Variants in ABCB8 observed in about 807,000 individuals in gnomAD.
ABCB8 encodes the protein mitochondrial potassium channel ATP-binding subunit.
ABCB8 carries 52 observed loss-of-function variants against 73.0 expected under a neutral mutation model. The ratio of observed to expected loss-of-function variants is 0.71; its 90% CI spans 0.57 to 0.90. The LOEUF is 0.90. Among genes scored for constraint, ABCB8 ranks in the 40% least tolerant of loss-of-function variants. The probability of loss-of-function intolerance (pLI) is 0.00; values close to 1 mark genes in which losing one functional copy is unlikely to be tolerated. For missense variants in ABCB8, 909 were observed against 974.6 expected, an observed-to-expected ratio of 0.93 and a Z score of 0.90; for synonymous variants, 428 against 423.5, an observed-to-expected ratio of 1.01 and a Z score of -0.13.
chr7:151,036,013 C>T (rs376146863), intron 7 of ABCB8, 46 bp downstream of exon 7: 53 of 1,612,742 alleles, frequency 3.3e-5, no homozygotes, highest in African/African-American at 5.3e-5. Context: ...GCCCCCCACA[C>T]CCTGCCAACC....
intron 14 of ABCB8, 98 bp from the exon 15 acceptor site, chr7:151,043,873 G>A: frequency 6.5e-7 from 1 of 1,536,268 alleles, no homozygotes; most frequent in African/African-American, 1.4e-5. Context: ...GGGGCACTTA[G>A]AGGATCTTGA....
At position 151,040,816 on chromosome 7, in the gene ABCB8, G is replaced by A. The variant is rs1359317733; in HGVS notation, c.1389-12G>A. 13 of 1,586,994 alleles carry A rather than the reference G, an allele frequency of 8.2e-6. No individual in the cohort carries two copies. Among genetic ancestry groups the A allele is most frequent in the East Asian group, 2.3e-5 (1 of 43,156 alleles). ...AGCCTGGTCTGACTGGGGGTCTCTC[G>A]GCTCCTCCCAGCTACCCCTGCCGCC... On this transcript the variant is annotated splice_polypyrimidine_tract_variant and intron_variant, in intron 11 of 15. Transcript: ENST00000358849.
Position 151,045,344 on chromosome 7 carries a change from T to A in ABCB8, c.2152T>A (p.Ser718Thr). 6.4e-7 allele frequency: 1 copy of A among 1,562,982 alleles called. No homozygotes were observed. The highest frequency in any genetic ancestry group is 8.7e-7 in the Non-Finnish European group (1 of 1,153,390). Residue 718 changes from serine (S) to threonine (T), a missense_variant, in exon 16 of 16, where the codon TCC becomes ACC. Coordinates refer to ENST00000358849, the MANE Select transcript of ABCB8 (RefSeq NM_007188.5). ...AGGCCCCAGGAGCCACCAGCACAAG[T>A]CCTGAGAAGGGCCCCCTGAGGTGTG... is the stretch of plus-strand genomic sequence containing the variant. ...PEGPRSHQHK[S>T] is the part of the protein sequence containing the mutation.
In ABCB8 at chr7:151,040,147, GTC is replaced by G. The variant is rs1796415596; in HGVS notation, c.1218-117_1218-116del. 1.1e-4 allele frequency: 128 copies of G among 1,152,398 alleles called. 1 individual carries two copies. In the South Asian group the frequency reaches 1.7e-3, roughly 15 times the overall value. 71.4% of individuals were successfully genotyped at this position (1,152,398 alleles called of 1,614,324 possible). ...TCTACGCCCCCATGGTGCAGGAGCAGTCTCTGCATTTGGCCACAGGCCACCTG... is the reference window on the plus strand; with the variant it reads ...TCTACGCCCCCATGGTGCAGGAGCAGTCTGCATTTGGCCACAGGCCACCTG... On this transcript the variant is annotated intron_variant, in intron 9 of 15. Coordinates refer to ENST00000358849, the MANE Select transcript of ABCB8 (RefSeq NM_007188.5).
intron 6 of ABCB8, 41 bp downstream of exon 6, chr7:151,035,783 C>T (rs778052721): frequency 9.3e-6 from 15 of 1,610,368 alleles, no homozygotes; most frequent in Admixed American, 3.3e-5. Flanking sequence ...CTCCCCACAC[C>T]GTTTCTCTTT....
At chr7:151,041,772 G>C (rs896154752) in intron 13 of ABCB8, among the ~76,000 whole-genome samples, 189 bp from the exon 14 acceptor site, 29 of 152,198 alleles carry the variant, frequency 1.9e-4, no homozygotes, top group Admixed American at 1.8e-3. Flanking sequence ...GTAGGAAGTC[G>C]AACTGTCCTT....
rs750313376 is a variant in ABCB8 at position 151,044,217 on chromosome 7, G to C, written c.2012G>C (p.Trp671Ser). The C allele has an allele frequency of 2.7e-5, 43 of 1,598,446 alleles. No individual in the cohort carries two copies. The highest frequency in any genetic ancestry group is 3.7e-5 in the Non-Finnish European group (43 of 1,167,614). ...GTCGTCATGGCCGATGGCCGTGTCT[G>C]GGAGGTTAGTTGTCCTGGGGGCGTG... Reference protein sequence around the residue: ...CIVVMADGRVWEAGTHEELLK... With the variant: ...CIVVMADGRVSEAGTHEELLK... Residue 671 changes from tryptophan to serine, a missense_variant, in exon 15 of 16, where the codon TGG (tryptophan) becomes TCG (serine). Transcript: ENST00000358849.
At chr7:151,029,499 TTTTCTTTTC>T (rs1319443030) in intron 1 of ABCB8, 4,929 of 124,696 alleles carry the variant, frequency 0.04, 127 homozygotes, top group East Asian at 0.055. Context: ...TTTTCTTTTC[TTTTCTTTTC>T]TTTTTTTTTT....
intron 9 of ABCB8, chr7:151,037,748 C>T (rs1046326314): frequency 3.0e-5 from 7 of 236,376 alleles, no homozygotes; most frequent in East Asian, 1.1e-4. Context: ...GTGTGTCCGC[C>T]GGATCAGAAC....
At chr7:151,033,389 A>AT in intron 1 of ABCB8, 1 of 1,388,342 alleles carries the variant, frequency 7.2e-7, no homozygotes, top group Non-Finnish European at 9.3e-7. Context: ...TTAAGACTAG[A>AT]TTTTGTGCTC....
Position 151,028,538 on chromosome 7 carries a change from T to G in ABCB8, c.23T>G (p.Val8Gly). Residue 8 changes from valine to glycine, a missense_variant, in exon 1 of 16, where the codon GTC becomes GGC. Physicochemically the swap from Val to Gly is moderately radical, Grantham distance 109. Coordinates refer to ENST00000358849, the MANE Select transcript of ABCB8 (RefSeq NM_007188.5). ...AGCATGCTGGTGCATTTATTTCGGGTCGGGATTCGGGGTGGCCCATTCCCA... is the reference window on the plus strand; with the variant it reads ...AGCATGCTGGTGCATTTATTTCGGGGCGGGATTCGGGGTGGCCCATTCCCA... MLVHLFR[V>G]GIRGGPFPGR... 6.2e-7 allele frequency: 1 copy of G among 1,613,832 alleles called. No homozygotes were observed. Among genetic ancestry groups the G allele is most frequent in the East Asian group, 2.2e-5 (1 of 44,856 alleles).
At chr7:151,034,866 A>G (rs1796261798) in intron 5 of ABCB8, 37 bp downstream of exon 5, 1 of 1,555,678 alleles carries the variant, frequency 6.4e-7, no homozygotes, top group Non-Finnish European at 8.8e-7. Context: ...GTCCACACAC[A>G]CACTTTCCCA....
intron 9 of ABCB8, chr7:151,039,990 T>A (rs1796411488): frequency 2.2e-6 from 1 of 449,986 alleles, no homozygotes; most frequent in Non-Finnish European, 4.0e-6. Context: ...CAGAGGCCTG[T>A]GCCTTCACTT....
intron 15 of ABCB8, 133 bp downstream of exon 15, chr7:151,044,354 G>A (rs771290850): frequency 2.4e-5 from 34 of 1,415,566 alleles, no homozygotes; most frequent in Middle Eastern, 1.9e-4. Context: ...TGGAAGCAGC[G>A]TCCCATATAG....
At chr7:151,033,984 T>A in intron 2 of ABCB8, 67 bp downstream of exon 2, 7 of 1,490,180 alleles carry the variant, frequency 4.7e-6, no homozygotes, top group Non-Finnish European at 6.3e-6. Context: ...GGGATGGCAT[T>A]CCTGCCTCGC....
chr7:151,033,064 G>A (rs1411692611), intron 1 of ABCB8: 3 of 456,708 alleles, frequency 6.6e-6, no homozygotes, highest in African/African-American at 4.0e-5. Context: ...TCTGTCAGGT[G>A]AGAATAATGG....
chr7:151,032,714 G>A (rs1796197151), intron 1 of ABCB8: 1 of 262,508 alleles, frequency 3.8e-6, no homozygotes, highest in African/African-American at 2.2e-5. Context: ...AAAACACAAT[G>A]TCTAGAATAG....
In ABCB8 at chr7:151,035,949, T is replaced by C; in HGVS notation, c.995T>C (p.Met332Thr). ...GNVRTVRAFA[M>T]EQREEERYGA... is the part of the protein sequence containing the mutation. The stretch of plus-strand genomic sequence containing the variant: ...GTGCGGACTGTGCGTGCCTTCGCCA[T>C]GGAGCAACGGGAAGAGGAGTGAGTC... Residue 332 changes from methionine (M) to threonine (T), a missense_variant, in exon 7 of 16, where the codon ATG becomes ACG. By Grantham distance (81) the Met-to-Thr change is moderately conservative (BLOSUM62 -1). Transcript: ENST00000358849. 6.2e-7 allele frequency: 1 copy of C among 1,613,874 alleles called. No individual in the cohort carries two copies. The highest frequency in any genetic ancestry group is 8.5e-7 in the Non-Finnish European group (1 of 1,180,014).
chr7:151,041,206 G>C lies in ABCB8; in HGVS notation c.1591G>C (p.Gly531Arg). Residue 531 changes from glycine to arginine, a missense_variant, in exon 13 of 16, where the codon GGC (glycine) becomes CGC (arginine). Transcript: ENST00000358849. ...LRTLDPSWLRGQVVGFISQEP... is the reference protein window; with the variant it reads ...LRTLDPSWLRRQVVGFISQEP... ...CACCCTTGACCCCTCCTGGCTCCGG[G>C]GCCAGGTTGTCGGCTTCATCAGCCA... is the stretch of plus-strand genomic sequence containing the variant. 1 of 1,605,394 alleles carries C rather than the reference G, an allele frequency of 6.2e-7. No individual in the cohort carries two copies.
Sources: allele counts gnomAD v4.1 joint callset (sites outside exome capture counted in the v4.1 genomes callset), GRCh38; gene constraint gnomAD v4.1.1; transcripts MANE v1.5; gene names NCBI Gene and HGNC (gene_info 2026-07-23, HGNC 2026-07-21).